The following MRRF variants were observed in gnomAD, a reference collection of about 807,000 sequenced individuals.
The protein encoded by MRRF is ribosome-recycling factor, mitochondrial.
A neutral mutation model predicts 25.1 loss-of-function variants in MRRF; 18 were observed. The observed-to-expected ratio is 0.72, with a 90% CI of 0.50 to 1.06. The LOEUF is 1.06. Ranked by LOEUF, MRRF falls within the 50% of genes least tolerant of loss-of-function variation. The pLI is 0.00. For synonymous variants in MRRF, 113 were observed against 112.1 expected, an observed-to-expected ratio of 1.01 and a Z score of -0.05; for missense variants, 323 against 319.3, an observed-to-expected ratio of 1.01 and a Z score of -0.09.
Position 122,280,482 on chromosome 9 carries a change from A to G in MRRF, c.224A>G (p.Asn75Ser), listed in dbSNP as rs1386546248. The G allele has an allele frequency of 1.2e-6, 2 of 1,614,038 alleles. No homozygotes were observed. The highest frequency in any genetic ancestry group is 1.3e-5 in the African/African-American group (1 of 74,926). The change falls in exon 3 of 7, where the codon AAT (asparagine) becomes AGT (serine). Residue 75 changes from asparagine to serine, a missense_variant. Transcript: ENST00000344641. ...CAGTCCCAAACCAGAGTGAATATTA[A>G]TGCTGCCTTGGTTGAGGATATAATC... is the stretch of plus-strand genomic sequence containing the variant. ...KGQSQTRVNINAALVEDIINL... is the reference protein window; with the variant it reads ...KGQSQTRVNISAALVEDIINL...
chr9:122,269,944 G>A (rs1029666933), intron 1 of MRRF, among the ~76,000 whole-genome samples: 1 of 152,024 alleles, frequency 6.6e-6, no homozygotes, highest in African/African-American at 2.4e-5. Flanking sequence ...GGAATATTTA[G>A]TCAGTAATGG....
chr9:122,274,893 G>C (rs1041837337), intron 2 of MRRF, among the ~76,000 whole-genome samples: 2 of 151,656 alleles, frequency 1.3e-5, no homozygotes, highest in Non-Finnish European at 2.9e-5. Context: ...TATGATTTCT[G>C]TTCTTTATTA....
chr9:122,287,038 T>C (rs950764112), intron 4 of MRRF, among the ~76,000 whole-genome samples: 1 of 152,236 alleles, frequency 6.6e-6, no homozygotes, highest in Non-Finnish European at 1.5e-5. Context: ...GGAACACTGT[T>C]GCATGGCTAA....
chr9:122,327,823 C>T lies in MRRF; in HGVS notation c.*5206C>T, dbSNP rs1487137750. ...TGCTTTTTGTTTACATTTGCTTTCC[C>T]CATTTCTTGATTTTTAAGCTTTCAG... is the stretch of plus-strand genomic sequence containing the variant. On this transcript the variant is annotated 3_prime_UTR_variant, in exon 7 of 7. Coordinates refer to ENST00000344641, the MANE Select transcript of MRRF (RefSeq NM_138777.5). The T allele has an allele frequency of 6.6e-6, 1 of 150,428 alleles. No homozygotes were observed. The highest frequency in any genetic ancestry group is 6.6e-5 in the Admixed American group (1 of 15,116). The allele number at this position is 150,428 out of a possible 1,614,324, so 9.3% of individuals were successfully genotyped here. A position where few individuals can be genotyped will look rare whatever the true frequency, so the allele number is the denominator to read the frequency against.
rs939842017 is a variant in MRRF, at chr9:122,320,829, G to A, written c.712-1711G>A. Among the ~76,000 whole-genome samples the A allele has an allele frequency of 3.3e-5, 5 of 152,260 alleles. No individual in the cohort carries two copies. The South Asian group carries it at 1.0e-3, about 32-fold the overall frequency. On this transcript the variant is annotated intron_variant, in intron 6 of 6. Coordinates refer to ENST00000344641, the MANE Select transcript of MRRF (RefSeq NM_138777.5). ...CTGCAAATAAAGATGTCCAACAGCC[G>A]CTATGCTGCTGAGCATGCAGATCCT...
intron 6 of MRRF, among the ~76,000 whole-genome samples, chr9:122,319,187 G>A (rs1835723267): frequency 8.2e-6 from 1 of 122,132 alleles, no homozygotes; most frequent in Non-Finnish European, 1.6e-5. Flanking sequence ...GCCTGGCTCT[G>A]TCCCCCAGGC....
At chr9:122,286,163 T>G (rs1396204290) in intron 4 of MRRF, 18 of 1,285,542 alleles carry the variant, frequency 1.4e-5, no homozygotes, top group Non-Finnish European at 1.7e-5. Flanking sequence ...TCTGCTAATA[T>G]AAGGTGAAGG....
chr9:122,314,915 AG>A (rs1191950326), intron 6 of MRRF, among the ~76,000 whole-genome samples: 2 of 152,182 alleles, frequency 1.3e-5, no homozygotes. Context: ...GCATTGTTTT[AG>A]GGAGATTGAA....
intron 5 of MRRF, among the ~76,000 whole-genome samples, chr9:122,312,247 T>A (rs1265906108): frequency 6.6e-6 from 1 of 152,194 alleles, no homozygotes; most frequent in African/African-American, 2.4e-5. Flanking sequence ...TTTGAAGAGT[T>A]GTGAGGATTC....
intron 1 of MRRF, chr9:122,265,421 A>T: frequency 3.5e-6 from 1 of 285,476 alleles, no homozygotes. Context: ...TTCTCCATTT[A>T]CTTAACCCTG....
rs191558877 is a variant in MRRF at position 122,265,559 on chromosome 9, A to G, written c.-29+621A>G. 340 of 356,584 alleles carry G rather than the reference A, an allele frequency of 9.5e-4. 2 individuals carry two copies. Among genetic ancestry groups the G allele is most frequent in the African/African-American group, 7.0e-3 (326 of 46,804 alleles). 22.1% of individuals were successfully genotyped at this position (356,584 alleles called of 1,614,324 possible). A position where few individuals can be genotyped will look rare whatever the true frequency, so the allele number is the denominator to read the frequency against. ...AGTTTTCTCTAAGTTTAGTGCCTTT[A>G]TTTTGTTTTAAACCACACTGTTGCA... On this transcript the variant is annotated intron_variant, in intron 1 of 6. Coordinates refer to ENST00000344641, the MANE Select transcript of MRRF (RefSeq NM_138777.5).
At position 122,313,366 on chromosome 9, in the gene MRRF, A is replaced by G. The variant is rs772261297; in HGVS notation, c.691A>G (p.Ile231Val). ...KSKDTVSEDT[I>V]RLIEKQISQM... ...CAAGGATACAGTCTCAGAGGACACCATTAGGCTAATAGAGAAACAGGTACT... is the reference window on the plus strand; with the variant it reads ...CAAGGATACAGTCTCAGAGGACACCGTTAGGCTAATAGAGAAACAGGTACT... Residue 231 changes from isoleucine to valine, a missense_variant, in exon 6 of 7, where the codon ATT becomes GTT. Transcript: ENST00000344641. The G allele has an allele frequency of 6.8e-6, 11 of 1,614,004 alleles. No homozygotes were observed. In the Admixed American group the frequency reaches 1.8e-4, roughly 27 times the overall value.
chr9:122,271,080 A>C lies in MRRF; in HGVS notation c.184+5A>C. 3.7e-6 allele frequency: 6 copies of C among 1,613,500 alleles called. No homozygotes were observed. The highest frequency in any genetic ancestry group is 4.2e-6 in the Non-Finnish European group (5 of 1,179,354). On this transcript the variant is annotated splice_donor_5th_base_variant and intron_variant, in intron 2 of 6. Transcript: ENST00000344641. The stretch of plus-strand genomic sequence containing the variant: ...TTGCTACCAAGAAAGCCAAAGGTAG[A>C]GACATGTGACGTTCTCTCCTACTTC...
intron 5 of MRRF, among the ~76,000 whole-genome samples, chr9:122,304,967 G>C (rs552175276): frequency 6.6e-6 from 1 of 151,934 alleles, no homozygotes; most frequent in African/African-American, 2.4e-5. Context: ...TTTCCAGACA[G>C]GGTCTTGCTT....
At chr9:122,292,518 T>G (rs1833839100) in intron 5 of MRRF, among the ~76,000 whole-genome samples, 1 of 152,148 alleles carries the variant, frequency 6.6e-6, no homozygotes, top group Admixed American at 6.5e-5. Flanking sequence ...AGAGAAAATA[T>G]AAGACCTTGA....
At chr9:122,320,098 T>C (rs2119009123) in intron 6 of MRRF, among the ~76,000 whole-genome samples, 1 of 152,066 alleles carries the variant, frequency 6.6e-6, no homozygotes, top group African/African-American at 2.4e-5. Flanking sequence ...GGTCTCAAAC[T>C]CCTCGACTCA....
intron 2 of MRRF, among the ~76,000 whole-genome samples, chr9:122,279,790 C>G (rs1832985471): frequency 6.6e-6 from 1 of 152,160 alleles, no homozygotes; most frequent in Admixed American, 6.5e-5. Context: ...TTTGTCTGTA[C>G]TCTACCAGCC....
intron 5 of MRRF, among the ~76,000 whole-genome samples, chr9:122,300,748 G>C (rs1455212405): frequency 1.3e-5 from 2 of 152,132 alleles, no homozygotes; most frequent in Non-Finnish European, 2.9e-5. Context: ...TTACAGATGG[G>C]AGGAGTTGAG....
At chr9:122,314,510 A>G (rs964263846) in intron 6 of MRRF, among the ~76,000 whole-genome samples, 3 of 152,206 alleles carry the variant, frequency 2.0e-5, no homozygotes, top group Admixed American at 1.3e-4. Flanking sequence ...CTACCAAAGT[A>G]CCTTAATCAC....
Sources: allele counts gnomAD v4.1 joint callset (sites outside exome capture counted in the v4.1 genomes callset), GRCh38; gene constraint gnomAD v4.1.1; transcripts MANE v1.5; gene names NCBI Gene and HGNC (gene_info 2026-07-23, HGNC 2026-07-21).